Variants in FHIT observed in about 807,000 individuals in gnomAD.
The protein encoded by FHIT is fragile histidine triad diadenosine triphosphatase.
Under a neutral mutation model 17.9 loss-of-function variants are expected in FHIT, and 19 were observed. That is an observed-to-expected ratio of 1.06 (90% CI 0.74 to 1.56). The LOEUF is 1.56. Among genes scored for constraint, FHIT ranks in the 40% most tolerant of loss-of-function variants. The pLI is 0.00. For missense variants in FHIT, 248 were observed against 189.2 expected (o/e 1.31, Z -1.82); for synonymous variants, 81 against 69.7 (o/e 1.16, Z -0.81).
chr3:59,783,020 T>C (rs915113996), intron 8 of FHIT, among the ~76,000 whole-genome samples: 3 of 152,034 alleles, frequency 2.0e-5, no homozygotes, highest in African/African-American at 7.2e-5. Flanking sequence ...ATTTAGCAAA[T>C]CCCTAGGTGT....
intron 2 of FHIT, among the ~76,000 whole-genome samples, chr3:61,089,799 G>C (rs938332142): frequency 1.2e-4 from 18 of 152,134 alleles, no homozygotes; most frequent in African/African-American, 4.3e-4. Flanking sequence ...TAAGAAGAGA[G>C]ATTTCAATTT....
At chr3:61,058,408 T>G (rs540567291) in intron 2 of FHIT, among the ~76,000 whole-genome samples, 1 of 152,324 alleles carries the variant, frequency 6.6e-6, no homozygotes, top group South Asian at 2.1e-4. Context: ...AGGAAAGATA[T>G]GAATAGTGCT....
At chr3:61,119,652 T>C (rs575603408) in intron 2 of FHIT, among the ~76,000 whole-genome samples, 23 of 152,296 alleles carry the variant, frequency 1.5e-4, no homozygotes, top group African/African-American at 4.6e-4. Flanking sequence ...CCTCAGTAGA[T>C]TGAGTAAAGA....
chr3:60,316,934 T>C (rs976379836), intron 5 of FHIT, among the ~76,000 whole-genome samples: 1 of 152,198 alleles, frequency 6.6e-6, no homozygotes, highest in African/African-American at 2.4e-5. Flanking sequence ...AGTCCTTTCC[T>C]AATCGATTGA....
intron 4 of FHIT, among the ~76,000 whole-genome samples, chr3:60,777,351 C>T (rs1049223247): frequency 3.9e-5 from 6 of 152,176 alleles, no homozygotes; most frequent in South Asian, 2.1e-4. Flanking sequence ...CAACTCAAAG[C>T]GGAGCCTTCC....
chr3:60,546,988 A>G (rs1199177088), intron 4 of FHIT, among the ~76,000 whole-genome samples: 1 of 152,216 alleles, frequency 6.6e-6, no homozygotes, highest in African/African-American at 2.4e-5. Flanking sequence ...TGAAGAAGAA[A>G]AATATTCTAG....
intron 5 of FHIT, among the ~76,000 whole-genome samples, chr3:60,145,806 C>T (rs1700216450): frequency 6.6e-6 from 1 of 151,934 alleles, no homozygotes; most frequent in Non-Finnish European, 1.5e-5. Context: ...TAGTTTTTTC[C>T]CTCAAAGATT....
At chr3:60,252,521 G>A (rs529606771) in intron 5 of FHIT, among the ~76,000 whole-genome samples, 1 of 152,198 alleles carries the variant, frequency 6.6e-6, no homozygotes, top group African/African-American at 2.4e-5. Context: ...GCATGATCAT[G>A]CTACTGCACT....
At chr3:60,520,718 T>C (rs1227636604) in intron 5 of FHIT, among the ~76,000 whole-genome samples, 1 of 152,132 alleles carries the variant, frequency 6.6e-6, no homozygotes, top group East Asian at 1.9e-4. Context: ...TTTTTCAATG[T>C]TGTGGGTGGA....
At chr3:61,179,580 T>C (rs887049251) in intron 2 of FHIT, among the ~76,000 whole-genome samples, 2 of 151,490 alleles carry the variant, frequency 1.3e-5, no homozygotes, top group African/African-American at 2.4e-5. Context: ...TGGTGGTGCA[T>C]ACCTGTGGCC....
intron 5 of FHIT, among the ~76,000 whole-genome samples, chr3:60,484,050 C>T (rs2033731322): frequency 6.6e-6 from 1 of 151,884 alleles, no homozygotes; most frequent in Admixed American, 6.6e-5. Flanking sequence ...AAGCAGAGAG[C>T]CAAATCATGA....
rs1441415745 is a variant in FHIT at position 60,356,766 on chromosome 3, A to AC, written c.103+180093_103+180094insG. 3.3e-4 allele frequency among the ~76,000 whole-genome samples: 48 copies of AC among 143,578 alleles called. 1 individual carries two copies. Among genetic ancestry groups the AC allele is most frequent in the African/African-American group, 1.4e-3 (47 of 34,684 alleles). The allele number at this position is 143,578 out of a possible 152,430, so 94.2% of individuals were successfully genotyped here. On this transcript the variant is annotated intron_variant, in intron 5 of 9. Coordinates refer to ENST00000492590, the MANE Select transcript of FHIT (RefSeq NM_002012.4). ...GGAAGACAGAGACAAAAAAAAAAAA[A>AC]AAAAAAAAAAAAAACGGAAGAAAGA...
chr3:60,824,400 A>T (rs1234271400), intron 3 of FHIT, among the ~76,000 whole-genome samples: 1 of 152,240 alleles, frequency 6.6e-6, no homozygotes, highest in Non-Finnish European at 1.5e-5. Context: ...TGAATAAATT[A>T]TCTTCTCAAA....
chr3:59,985,212 C>T (rs1023180521), intron 7 of FHIT, among the ~76,000 whole-genome samples: 1 of 152,096 alleles, frequency 6.6e-6, no homozygotes, highest in African/African-American at 2.4e-5. Context: ...ATTGAACTGG[C>T]ATCAGTGACT....
At chr3:60,164,962 T>C (rs888715937) in intron 5 of FHIT, among the ~76,000 whole-genome samples, 4 of 152,118 alleles carry the variant, frequency 2.6e-5, no homozygotes, top group Non-Finnish European at 5.9e-5. Context: ...TTGTGTGAAA[T>C]GCCACAGAGA....
At chr3:59,772,524 C>G (rs1444619843) in intron 8 of FHIT, among the ~76,000 whole-genome samples, 1 of 152,196 alleles carries the variant, frequency 6.6e-6, no homozygotes, top group Non-Finnish European at 1.5e-5. Flanking sequence ...CATGAGGAAG[C>G]TGAGCACAGA....
chr3:60,230,870 C>G (rs1465741620), intron 5 of FHIT, among the ~76,000 whole-genome samples: 1 of 152,196 alleles, frequency 6.6e-6, no homozygotes, highest in East Asian at 1.9e-4. Flanking sequence ...ACCACCACGT[C>G]TGGCTAATTT....
intron 4 of FHIT, among the ~76,000 whole-genome samples, chr3:60,792,362 A>C (rs561188469): frequency 6.6e-6 from 1 of 151,242 alleles, no homozygotes. Context: ...ACACACACAC[A>C]CTTACACAGA....
intron 8 of FHIT, among the ~76,000 whole-genome samples, chr3:59,804,382 A>T (rs182865250): frequency 5.9e-5 from 9 of 152,346 alleles, no homozygotes; most frequent in Non-Finnish European, 7.3e-5. Context: ...TTGAAGAAGA[A>T]GGTACTGCTG....
Sources: gnomAD v4.1 joint callset for allele counts (sites outside exome capture counted in the v4.1 genomes callset) on GRCh38, gnomAD v4.1.1 for gene constraint, MANE v1.5 for transcripts, NCBI Gene and HGNC (gene_info 2026-07-23, HGNC 2026-07-21) for gene names.